Variants in SP140L observed in about 807,000 individuals in gnomAD.
SP140L encodes the protein nuclear body protein SP140-like protein.
Under a neutral mutation model 84.3 loss-of-function variants are expected in SP140L, and 64 were observed. The observed-to-expected ratio is 0.76, with a 90% CI of 0.62 to 0.94. The LOEUF (loss-of-function observed/expected upper bound fraction) is 0.94. Among genes scored for constraint, SP140L ranks in the 40% least tolerant of loss-of-function variants. The pLI is 0.00. For missense variants in SP140L, 628 were observed against 692.5 expected, an observed-to-expected ratio of 0.91 and a Z score of 1.05; for synonymous variants, 242 against 236.9, an observed-to-expected ratio of 1.02 and a Z score of -0.20.
chr2:230,383,653 T>C, intron 8 of SP140L, 78 bp downstream of exon 8: 1 of 1,399,414 alleles, frequency 7.1e-7, no homozygotes, highest in Non-Finnish European at 9.8e-7. Context: ...AGGCCTGCAG[T>C]TCACGAGGGC....
At chr2:230,329,923 A>G (rs550381305) in intron 2 of SP140L, among the ~76,000 whole-genome samples, 1 of 152,120 alleles carries the variant, frequency 6.6e-6, no homozygotes, top group South Asian at 2.1e-4. Flanking sequence ...GCTCCCCTGT[A>G]TTCCACATTT....
chr2:230,351,350 A>T (rs140350237), intron 2 of SP140L, among the ~76,000 whole-genome samples: 1 of 152,222 alleles, frequency 6.6e-6, no homozygotes, highest in African/African-American at 2.4e-5. Flanking sequence ...TTTAGTTTTA[A>T]CGTATTCATA....
intron 7 of SP140L, among the ~76,000 whole-genome samples, chr2:230,380,147 C>T (rs1309239263): frequency 6.6e-6 from 1 of 151,728 alleles, no homozygotes; most frequent in African/African-American, 2.4e-5. Flanking sequence ...GTGAAAGGCA[C>T]GTCTTACATG....
intron 2 of SP140L, among the ~76,000 whole-genome samples, chr2:230,350,892 A>T (rs879915593): frequency 2.6e-5 from 4 of 152,202 alleles, no homozygotes; most frequent in Non-Finnish European, 5.9e-5. Flanking sequence ...CAGAAGAAAC[A>T]GTCAATATCA....
chr2:230,393,894 G>A (rs1463730186), intron 13 of SP140L, among the ~76,000 whole-genome samples: 1 of 152,074 alleles, frequency 6.6e-6, no homozygotes, highest in Non-Finnish European at 1.5e-5. Flanking sequence ...TAGAGCAAAC[G>A]TCTCCTCACA....
chr2:230,400,098 A>T, intron 14 of SP140L, 29 bp from the exon 15 acceptor site: 1 of 1,612,020 alleles, frequency 6.2e-7, no homozygotes, highest in Non-Finnish European at 8.5e-7. Context: ...TGTGATTCCC[A>T]GTGACGTGGA....
chr2:230,402,777 G>A lies in SP140L; in HGVS notation c.1645-21G>A, dbSNP rs373100633. ...ACTAATGATAAGGAACATCGTTTTT[G>A]TCTTTATTACTTTTTTCCAGTATAA... On this transcript the variant is annotated intron_variant, in intron 18 of 18. Coordinates refer to ENST00000415673, the MANE Select transcript of SP140L (RefSeq NM_138402.6). The A allele has an allele frequency of 2.2e-5, 35 of 1,580,580 alleles. 2 individuals are homozygous for A. In the South Asian group the frequency reaches 2.3e-4, roughly 11 times the overall value.
At chr2:230,392,467 A>G (rs1029954551) in intron 12 of SP140L, among the ~76,000 whole-genome samples, 1 of 152,168 alleles carries the variant, frequency 6.6e-6, no homozygotes, top group African/African-American at 2.4e-5. Flanking sequence ...AGGAAAGGGT[A>G]ATTCTGACTA....
At chr2:230,365,179 T>A (rs1406164578) in intron 5 of SP140L, among the ~76,000 whole-genome samples, 1 of 152,078 alleles carries the variant, frequency 6.6e-6, no homozygotes. Context: ...AGACTAAGCC[T>A]ACAAATAGAC....
At chr2:230,361,503 G>GTCATGTGTAACCC (rs11275282) in intron 4 of SP140L, 111 bp from the exon 5 acceptor site, 154,255 of 761,260 alleles carry the variant, frequency 0.2, 24,193 homozygotes, top group East Asian at 0.56. Context: ...AGAAGTTTAA[G>GTCATGTGTAACCC]TCTGACTTCT....
In SP140L at chr2:230,396,518, C is replaced by T. The variant is rs144658032; in HGVS notation, c.1156-239C>T. Among the ~76,000 whole-genome samples, 52 of 152,246 alleles carry T rather than the reference C, an allele frequency of 3.4e-4. 1 individual carries two copies. The highest frequency in any genetic ancestry group is 2.3e-3 in the East Asian group (12 of 5,188). ...AAAGATGCTAATTAGAGGTAGATGA[C>T]GGATTCCAGTTGGTAAATTCTCTAG... is the stretch of plus-strand genomic sequence containing the variant. On this transcript the variant is annotated intron_variant, in intron 13 of 18. Transcript: ENST00000415673.
intron 2 of SP140L, among the ~76,000 whole-genome samples, chr2:230,348,146 C>T (rs1028851200): frequency 1.3e-5 from 2 of 152,218 alleles, no homozygotes; most frequent in East Asian, 1.9e-4. Flanking sequence ...TGATATGGCA[C>T]TTTGCCAGCC....
intron 7 of SP140L, among the ~76,000 whole-genome samples, chr2:230,380,006 C>T (rs534164223): frequency 4.1e-4 from 63 of 152,262 alleles, no homozygotes; most frequent in African/African-American, 1.5e-3. Flanking sequence ...GCTTTTCTAT[C>T]TGTATTAGCC....
chr2:230,375,516 C>T (rs2061215991), intron 7 of SP140L, among the ~76,000 whole-genome samples: 1 of 152,156 alleles, frequency 6.6e-6, no homozygotes, highest in African/African-American at 2.4e-5. Context: ...CCACTTACAG[C>T]ATACAGGGGT....
At chr2:230,362,703 T>C (rs1030278269) in intron 5 of SP140L, among the ~76,000 whole-genome samples, 3 of 152,182 alleles carry the variant, frequency 2.0e-5, no homozygotes, top group Admixed American at 2.0e-4. Context: ...ATTTTGCAGA[T>C]AAGAAACTGA....
intron 2 of SP140L, among the ~76,000 whole-genome samples, chr2:230,347,386 G>A (rs2060240368): frequency 6.6e-6 from 1 of 152,108 alleles, no homozygotes; most frequent in South Asian, 2.1e-4. Flanking sequence ...GTGCTTCAGT[G>A]TCAATCAGTA....
In SP140L at chr2:230,343,324, A is replaced by G. The variant is rs1019389904; in HGVS notation, c.108-14481A>G. 4.1e-5 allele frequency among the ~76,000 whole-genome samples: 6 copies of G among 147,696 alleles called. 1 individual carries two copies. Among genetic ancestry groups the G allele is most frequent in the African/African-American group, 1.5e-4 (6 of 39,978 alleles). ...ATTCCGCTCCCACTTATAAGTTAGAACATGTGGTGTTTGGTTTTCTGTTCC... is the reference window on the plus strand; with the variant it reads ...ATTCCGCTCCCACTTATAAGTTAGAGCATGTGGTGTTTGGTTTTCTGTTCC... On this transcript the variant is annotated intron_variant, in intron 2 of 18. Coordinates refer to ENST00000415673, the MANE Select transcript of SP140L (RefSeq NM_138402.6).
chr2:230,382,933 G>A (rs1185349172), intron 7 of SP140L, among the ~76,000 whole-genome samples: 13 of 152,238 alleles, frequency 8.5e-5, no homozygotes, highest in Admixed American at 8.5e-4. Flanking sequence ...CCAGATTCAG[G>A]ACACTGATGA....
chr2:230,350,005 T>C (rs1279470715), intron 2 of SP140L, among the ~76,000 whole-genome samples: 1 of 152,120 alleles, frequency 6.6e-6, no homozygotes, highest in Non-Finnish European at 1.5e-5. Context: ...AGAGACTCCA[T>C]CTCAAAAATA....
Sources: gnomAD v4.1 joint callset for allele counts (sites outside exome capture counted in the v4.1 genomes callset) on GRCh38, gnomAD v4.1.1 for gene constraint, MANE v1.5 for transcripts, NCBI Gene and HGNC (gene_info 2026-07-23, HGNC 2026-07-21) for gene names.